The following DAB1 variants were observed in gnomAD, a reference collection of about 807,000 sequenced individuals.
DAB1 encodes disabled homolog 1.
In DAB1, 15 loss-of-function variants were observed where a neutral mutation model predicts 64.6. The ratio of observed to expected loss-of-function variants is 0.23; its 90% CI spans 0.16 to 0.36. DAB1 has a LOEUF of 0.36. Among genes scored for constraint, DAB1 ranks in the 10% least tolerant of loss-of-function variants. DAB1 has a pLI of 1.00. For synonymous variants in DAB1, 235 were observed against 251.9 expected, an observed-to-expected ratio of 0.93 and a Z score of 0.64; for missense variants, 596 against 706.7, an observed-to-expected ratio of 0.84 and a Z score of 1.78.
intron 4 of DAB1, among the ~76,000 whole-genome samples, chr1:58,164,138 T>C (rs951893861): frequency 2.0e-5 from 3 of 150,444 alleles, no homozygotes; most frequent in African/African-American, 7.4e-5. Flanking sequence ...GGTAATGAAT[T>C]TCACAGATTT....
At chr1:57,204,563 TTGGCATCATC>T (rs1170873221) in intron 2 of DAB1, among the ~76,000 whole-genome samples, 1 of 152,206 alleles carries the variant, frequency 6.6e-6, no homozygotes, top group African/African-American at 2.4e-5. Flanking sequence ...AGACTTAGAT[TTGGCATCATC>T]TGGGTTTGAT....
chr1:57,415,685 T>C (rs187932657), intron 1 of DAB1, among the ~76,000 whole-genome samples: 2 of 152,314 alleles, frequency 1.3e-5, no homozygotes, highest in African/African-American at 4.8e-5. Context: ...TATATTTGAA[T>C]GGATGTGGCT....
At chr1:57,794,422 G>A (rs1269426783) in intron 6 of DAB1, among the ~76,000 whole-genome samples, 1 of 152,154 alleles carries the variant, frequency 6.6e-6, no homozygotes, top group African/African-American at 2.4e-5. Context: ...ACAGTACCAT[G>A]TTCTTTCAGA....
chr1:58,071,406 G>GTGTGTGTGTGTGTA (rs869225281), intron 5 of DAB1: 1 of 147,422 alleles, frequency 6.8e-6, no homozygotes, highest in Non-Finnish European at 1.4e-5. Context: ...GTGTGTGTGT[G>GTGTGTGTGTGTGTA]GGTGGGGAGA....
At chr1:58,208,812 A>C (rs1658411506) in intron 4 of DAB1, among the ~76,000 whole-genome samples, 1 of 151,990 alleles carries the variant, frequency 6.6e-6, no homozygotes, top group African/African-American at 2.4e-5. Flanking sequence ...CAGTAGTGGG[A>C]TTGCTGGATC....
intron 5 of DAB1, among the ~76,000 whole-genome samples, chr1:58,012,339 T>G (rs1383138687): frequency 2.0e-5 from 3 of 152,096 alleles, no homozygotes; most frequent in Non-Finnish European, 4.4e-5. Context: ...CTCCATGGGG[T>G]GACTCAGGGA....
intron 2 of DAB1, among the ~76,000 whole-genome samples, chr1:58,526,978 C>A (rs1646362118): frequency 6.6e-6 from 1 of 152,100 alleles, no homozygotes; most frequent in Non-Finnish European, 1.5e-5. Flanking sequence ...TATTTCCAAT[C>A]AAGAACTGAC....
At chr1:57,338,152 T>G (rs191511024) in intron 1 of DAB1, among the ~76,000 whole-genome samples, 2 of 152,002 alleles carry the variant, frequency 1.3e-5, no homozygotes, top group Non-Finnish European at 2.9e-5. Context: ...ACCTGGCTAA[T>G]TTTTGCATTT....
chr1:57,700,194 T>C (rs991546675), intron 6 of DAB1, among the ~76,000 whole-genome samples: 3 of 152,196 alleles, frequency 2.0e-5, no homozygotes, highest in Admixed American at 2.0e-4. Context: ...AGATTTTCTT[T>C]GTTTCTCTCT....
At chr1:57,945,380 C>T (rs1296898571) in intron 5 of DAB1, among the ~76,000 whole-genome samples, 1 of 152,022 alleles carries the variant, frequency 6.6e-6, no homozygotes, top group Non-Finnish European at 1.5e-5. Context: ...CCACCTCAGC[C>T]TCTCAAGTAG....
intron 4 of DAB1, among the ~76,000 whole-genome samples, chr1:58,229,519 T>C (rs1659676407): frequency 6.6e-6 from 1 of 152,004 alleles, no homozygotes. Flanking sequence ...ATAAGTGTAA[T>C]GACAAGTGAA....
Position 58,376,246 on chromosome 1 carries a change from T to C in DAB1, n.258-32843A>G, listed in dbSNP as rs1298684068. ...CTTTTGAATGTGTTTGCTCTTGCTT[T>C]TCTAGTTCTTTTAATTGTGATGTTA... On this transcript the variant is annotated intron_variant and non_coding_transcript_variant, in intron 3 of 20. Coordinates refer to the DAB1 transcript ENST00000485760. 5.5e-5 allele frequency among the ~76,000 whole-genome samples: 8 copies of C among 144,298 alleles called. No homozygotes were observed. In the South Asian group the frequency reaches 8.9e-4, roughly 16 times the overall value. The allele number at this position is 144,298 out of a possible 152,430, so 94.7% of individuals were successfully genotyped here. A position where few individuals can be genotyped will look rare whatever the true frequency, so the allele number is the denominator to read the frequency against.
chr1:57,710,608 C>T (rs982957785), intron 6 of DAB1, among the ~76,000 whole-genome samples: 1 of 152,114 alleles, frequency 6.6e-6, no homozygotes, highest in Non-Finnish European at 1.5e-5. Flanking sequence ...TTCTCTCCAC[C>T]TCATGGCTTT....
At chr1:58,130,613 A>C (rs1002515773) in intron 5 of DAB1, among the ~76,000 whole-genome samples, 1 of 151,946 alleles carries the variant, frequency 6.6e-6, no homozygotes, top group East Asian at 1.9e-4. Context: ...TCCTTTCCAT[A>C]TTTAGTCCTT....
At chr1:57,935,752 A>T (rs1645015651) in intron 5 of DAB1, among the ~76,000 whole-genome samples, 1 of 152,136 alleles carries the variant, frequency 6.6e-6, no homozygotes, top group Admixed American at 6.5e-5. Context: ...AACAACAAAA[A>T]ACGAGTGCAT....
intron 7 of DAB1, among the ~76,000 whole-genome samples, chr1:57,551,944 A>G (rs1421385889): frequency 6.6e-6 from 1 of 152,206 alleles, no homozygotes; most frequent in Non-Finnish European, 1.5e-5. Flanking sequence ...GACTTCCCCT[A>G]GCAGAAAAAA....
At chr1:57,044,267 G>A (rs1217745763) in intron 9 of DAB1, among the ~76,000 whole-genome samples, 1 of 152,202 alleles carries the variant, frequency 6.6e-6, no homozygotes, top group Non-Finnish European at 1.5e-5. Flanking sequence ...AAGGTGACCT[G>A]GGTTGGGACT....
chr1:58,438,089 C>T (rs1434503686), intron 3 of DAB1, among the ~76,000 whole-genome samples: 4 of 152,102 alleles, frequency 2.6e-5, no homozygotes, highest in Non-Finnish European at 5.9e-5. Context: ...TGTCCTCTCC[C>T]TGAGGCCCCG....
chr1:57,227,734 T>G (rs1667382233), intron 2 of DAB1, among the ~76,000 whole-genome samples: 1 of 152,090 alleles, frequency 6.6e-6, no homozygotes, highest in Non-Finnish European at 1.5e-5. Flanking sequence ...TTTTTGTATT[T>G]TTTTGTAGAG....
Sources: gnomAD v4.1 joint callset for allele counts (sites outside exome capture counted in the v4.1 genomes callset) on GRCh38, gnomAD v4.1.1 for gene constraint, MANE v1.5 for transcripts, NCBI Gene and HGNC (gene_info 2026-07-23, HGNC 2026-07-21) for gene names.